The following GOLGA4 variants were observed in gnomAD, a reference collection of about 807,000 sequenced individuals.
The protein encoded by GOLGA4 is golgin subfamily A member 4.
Under a neutral mutation model 265.9 loss-of-function variants are expected in GOLGA4, and 169 were observed. The ratio of observed to expected loss-of-function variants is 0.64; its 90% CI spans 0.56 to 0.72. The LOEUF (loss-of-function observed/expected upper bound fraction) is 0.72. Ranked by LOEUF, GOLGA4 falls within the 30% of genes least tolerant of loss-of-function variation. The pLI is 0.00. For missense variants in GOLGA4, 2,482 were observed against 2,483.4 expected, an observed-to-expected ratio of 1.00 and a Z score of 0.01; for synonymous variants, 923 against 855.8, an observed-to-expected ratio of 1.08 and a Z score of -1.37.
intron 2 of GOLGA4, among the ~76,000 whole-genome samples, chr3:37,254,285 A>T (rs2096742088): frequency 6.6e-6 from 1 of 152,170 alleles, no homozygotes; most frequent in South Asian, 2.1e-4. Flanking sequence ...AGAAAATAAG[A>T]TCTCAGGAAA....
intron 22 of GOLGA4, among the ~76,000 whole-genome samples, chr3:37,357,713 A>T (rs758497875): frequency 6.6e-6 from 1 of 152,220 alleles, no homozygotes; most frequent in Non-Finnish European, 1.5e-5. Context: ...AATAAGAATC[A>T]CTGTCTTTGA....
chr3:37,287,332 C>T (rs1279079788), intron 4 of GOLGA4, among the ~76,000 whole-genome samples: 1 of 152,214 alleles, frequency 6.6e-6, no homozygotes, highest in African/African-American at 2.4e-5. Context: ...CAGAGCAAGA[C>T]TCCGTCTCAA....
intron 11 of GOLGA4, among the ~76,000 whole-genome samples, chr3:37,318,377 A>G (rs1266894153): frequency 6.6e-6 from 1 of 152,102 alleles, no homozygotes; most frequent in Non-Finnish European, 1.5e-5. Context: ...CTAAATTATT[A>G]AAGTATTAAA....
At chr3:37,344,247 G>T (rs544089761) in intron 20 of GOLGA4, among the ~76,000 whole-genome samples, 24 of 152,198 alleles carry the variant, frequency 1.6e-4, no homozygotes, top group African/African-American at 4.8e-4. Flanking sequence ...GATTACAGGC[G>T]CACACCATCA....
intron 2 of GOLGA4, among the ~76,000 whole-genome samples, chr3:37,279,510 C>T (rs1251429936): frequency 6.6e-6 from 1 of 152,214 alleles, no homozygotes; most frequent in Non-Finnish European, 1.5e-5. Flanking sequence ...GGGCAGGTTC[C>T]CCATGATGCT....
At chr3:37,245,146 G>A (rs887394646) in intron 1 of GOLGA4, among the ~76,000 whole-genome samples, 3 of 152,252 alleles carry the variant, frequency 2.0e-5, no homozygotes, top group Admixed American at 2.0e-4. Flanking sequence ...ATTTTATCAG[G>A]CAATTAGTTA....
chr3:37,325,037 C>G lies in GOLGA4; in HGVS notation c.3151C>G (p.Leu1051Val). 6.2e-7 allele frequency: 1 copy of G among 1,612,730 alleles called. No homozygotes were observed. The highest frequency in any genetic ancestry group is 8.5e-7 in the Non-Finnish European group (1 of 1,179,580). Residue 1051 changes from leucine (L) to valine (V), a missense_variant, in exon 14 of 24, where the codon CTT becomes GTT. Around this residue, in one of 3 missense-constraint regions of GOLGA4, gnomAD observed 1,536 missense variants for 1,483.7 expected, o/e 1.04. Coordinates refer to ENST00000361924, the MANE Select transcript of GOLGA4 (RefSeq NM_002078.5). ...NDVISIWEKKLNQQAEELQEI... is the reference protein window; with the variant it reads ...NDVISIWEKKVNQQAEELQEI... Reference sequence around the variant, plus strand: ...TGTCATATCAATCTGGGAAAAGAAACTTAATCAGCAAGCTGAAGAACTTCA... The same window carrying G: ...TGTCATATCAATCTGGGAAAAGAAAGTTAATCAGCAAGCTGAAGAACTTCA...
intron 21 of GOLGA4, among the ~76,000 whole-genome samples, chr3:37,354,455 G>C (rs1330359751): frequency 1.3e-5 from 2 of 151,986 alleles, no homozygotes; most frequent in African/African-American, 4.8e-5. Flanking sequence ...TTTTCCAGGA[G>C]CTTATGGGTG....
rs929197586 is a variant in GOLGA4, at chr3:37,324,115, C to T, written c.2229C>T (p.His743=). The T allele has an allele frequency of 2.2e-5, 35 of 1,613,778 alleles. No individual in the cohort carries two copies. Among genetic ancestry groups the T allele is most frequent in the South Asian group, 5.5e-5 (5 of 91,066 alleles). Residue 743 remains histidine, a synonymous_variant, in exon 14 of 24, where the codon CAC becomes CAT. Transcript: ENST00000361924. ...AAGTTGACAGTATCATTAAAGAACA[C>T]GAGGTATCTATCCAGAGGACTGAGA... ...QQQVDSIIKE[H]EVSIQRTEKA... is the part of the protein sequence containing the mutation.
intron 3 of GOLGA4, among the ~76,000 whole-genome samples, chr3:37,284,661 C>G (rs1430878601): frequency 6.9e-6 from 1 of 145,058 alleles, no homozygotes; most frequent in Non-Finnish European, 1.5e-5. Context: ...CCTTCCATTG[C>G]TGCTTTTTTT....
In GOLGA4 at chr3:37,335,055, T is replaced by C; in HGVS notation, c.6195T>C (p.Ala2065=). The part of the protein sequence containing the change: ...TAKRYEEILD[A]REEEMTAKVR... The stretch of plus-strand genomic sequence containing the variant: ...TTCTTTTTTTTTAAATCCTAAAGGC[T>C]CGTGAAGAAGAAATGACTGCAAAAG... The change falls in exon 17 of 24, where the codon GCT becomes GCC. Residue 2065 remains alanine, a splice_region_variant and synonymous_variant. Transcript: ENST00000361924. 1.9e-6 allele frequency: 3 copies of C among 1,556,152 alleles called. No homozygotes were observed. Among genetic ancestry groups the C allele is most frequent in the Non-Finnish European group, 2.6e-6 (3 of 1,135,872 alleles).
At chr3:37,270,202 C>CTTTTTT (rs144373648) in intron 2 of GOLGA4, among the ~76,000 whole-genome samples, 6 of 99,890 alleles carry the variant, frequency 6.0e-5, no homozygotes, top group African/African-American at 8.4e-5. Flanking sequence ...CCAGTTGTAG[C>CTTTTTT]TTTTTTTTTT....
intron 2 of GOLGA4, chr3:37,276,038 A>G: frequency 6.2e-7 from 1 of 1,612,846 alleles, no homozygotes. Flanking sequence ...TGTAAGCAAC[A>G]GAAAGGATGA....
intron 2 of GOLGA4, among the ~76,000 whole-genome samples, chr3:37,255,608 T>G (rs2096746361): frequency 6.6e-6 from 1 of 152,190 alleles, no homozygotes; most frequent in Non-Finnish European, 1.5e-5. Flanking sequence ...TTTTTTTAAC[T>G]TAATGAAATC....
chr3:37,277,989 G>A (rs2016937), intron 2 of GOLGA4, among the ~76,000 whole-genome samples: 3 of 152,088 alleles, frequency 2.0e-5, no homozygotes, highest in Non-Finnish European at 4.4e-5. Context: ...CACTGGTACC[G>A]ACTCACCTCT....
At position 37,325,848 on chromosome 3, in the gene GOLGA4, A is replaced by T; in HGVS notation, c.3962A>T (p.Glu1321Val). The T allele has an allele frequency of 6.2e-7, 1 of 1,613,586 alleles. No individual in the cohort carries two copies. The highest frequency in any genetic ancestry group is 8.5e-7 in the Non-Finnish European group (1 of 1,179,628). ...ATTGAAAGTCTTGTAACAGAAAAAG[A>T]AGCCTTACAGAAGGAAGGAGGCAAT... ...ADIESLVTEK[E>V]ALQKEGGNQQ... Residue 1321 changes from glutamate to valine, a missense_variant, in exon 14 of 24, where the codon GAA (glutamate) becomes GTA (valine). By Grantham distance (121) the Glu-to-Val change is moderately radical. Around this residue, in one of 3 missense-constraint regions of GOLGA4, gnomAD observed 1,536 missense variants for 1,483.7 expected, o/e 1.04. Transcript: ENST00000361924.
At chr3:37,253,528 T>A (rs2096739824) in intron 2 of GOLGA4, among the ~76,000 whole-genome samples, 1 of 152,126 alleles carries the variant, frequency 6.6e-6, no homozygotes, top group African/African-American at 2.4e-5. Context: ...TGACAATGCT[T>A]TGTCATTCTA....
chr3:37,361,973 C>A (rs990057175), intron 23 of GOLGA4, among the ~76,000 whole-genome samples: 1 of 152,194 alleles, frequency 6.6e-6, no homozygotes, highest in African/African-American at 2.4e-5. Context: ...CCCCTCATCT[C>A]TATGTATTTT....
chr3:37,337,983 G>A (rs2097020143), intron 19 of GOLGA4, among the ~76,000 whole-genome samples: 2 of 152,080 alleles, frequency 1.3e-5, no homozygotes, highest in African/African-American at 2.4e-5. Flanking sequence ...ATCGTATAAT[G>A]TATAGTAATT....
Sources: allele counts gnomAD v4.1 joint callset (sites outside exome capture counted in the v4.1 genomes callset), GRCh38; gene constraint gnomAD v4.1.1; regional missense constraint gnomAD v4.1.1; transcripts MANE v1.5; gene names NCBI Gene and HGNC (gene_info 2026-07-23, HGNC 2026-07-21).